Variants in PLA2G12A observed in about 807,000 individuals in gnomAD.
PLA2G12A encodes phospholipase A2 group XIIA, also known as group XIIA secretory phospholipase A2.
PLA2G12A carries 11 observed loss-of-function variants against 16.0 expected under a neutral mutation model. That is an observed-to-expected ratio of 0.69 (90% CI 0.43 to 1.13). PLA2G12A has a LOEUF of 1.13. Among genes scored for constraint, PLA2G12A ranks in the 50% most tolerant of loss-of-function variants. The probability of loss-of-function intolerance (pLI) is 0.00; values close to 1 mark genes in which losing one functional copy is unlikely to be tolerated. For synonymous variants in PLA2G12A, 77 were observed against 93.8 expected (o/e 0.82, Z 1.03); for missense variants, 214 against 237.3 (o/e 0.90, Z 0.65).
At chr4:109,724,125 G>C (rs1191171920) in intron 1 of PLA2G12A, among the ~76,000 whole-genome samples, 1 of 152,046 alleles carries the variant, frequency 6.6e-6, no homozygotes, top group Non-Finnish European at 1.5e-5. Context: ...GTCTTATTTT[G>C]TTTGTTTGTT....
chr4:109,729,887 G>A lies in PLA2G12A; in HGVS notation c.-78C>T. ...CCACAGAGTCCCCAGGACGCGCTAG[G>A]CAGCGGCGCGGGCCCCGGACTTGGC... On this transcript the variant is annotated 5_prime_UTR_variant, in exon 1 of 4. Coordinates refer to ENST00000243501, the MANE Select transcript of PLA2G12A (RefSeq NM_030821.5). 7.6e-7 allele frequency: 1 copy of A among 1,307,514 alleles called. No individual in the cohort carries two copies. The highest frequency in any genetic ancestry group is 1.0e-6 in the Non-Finnish European group (1 of 983,296). 81.0% of individuals were successfully genotyped at this position (1,307,514 alleles called of 1,614,324 possible). A position where few individuals can be genotyped will look rare whatever the true frequency, so the allele number is the denominator to read the frequency against.
chr4:109,725,064 C>T (rs1433543497), intron 1 of PLA2G12A, among the ~76,000 whole-genome samples: 1 of 152,062 alleles, frequency 6.6e-6, no homozygotes, highest in African/African-American at 2.4e-5. Flanking sequence ...CATTTATTGA[C>T]CTAATTAACA....
chr4:109,718,887 CAT>C (rs1326155122), intron 1 of PLA2G12A, 128 bp from the exon 2 acceptor site: 6 of 631,454 alleles, frequency 9.5e-6, no homozygotes. Flanking sequence ...AACATAAGTG[CAT>C]ATGTCTTTAT....
Position 109,729,953 on chromosome 4 carries a change from C to T in PLA2G12A, c.-144G>A. The T allele has an allele frequency of 1.5e-6, 1 of 671,812 alleles. No homozygotes were observed. The highest frequency in any genetic ancestry group is 2.1e-5 in the South Asian group (1 of 47,854). 41.6% of individuals were successfully genotyped at this position (671,812 alleles called of 1,614,324 possible). A position where few individuals can be genotyped will look rare whatever the true frequency, so the allele number is the denominator to read the frequency against. On this transcript the variant is annotated 5_prime_UTR_variant, in exon 1 of 4. Coordinates refer to ENST00000243501, the MANE Select transcript of PLA2G12A (RefSeq NM_030821.5). ...ATCCACGCCTCCTTCCCGGCTGGCC[C>T]TCAGGATCTCGCTGTCTTTACGTGA...
At position 109,713,502 on chromosome 4, in the gene PLA2G12A, G is replaced by A. The variant is rs1730771773; in HGVS notation, c.*875C>T. Reference sequence around the variant, plus strand: ...AATCTACAATAAGGAACAAGTGCTGGGAAATAAATAACAAAGCATAACAGC... The same window carrying A: ...AATCTACAATAAGGAACAAGTGCTGAGAAATAAATAACAAAGCATAACAGC... On this transcript the variant is annotated 3_prime_UTR_variant, in exon 4 of 4. Coordinates refer to ENST00000243501, the MANE Select transcript of PLA2G12A (RefSeq NM_030821.5). The A allele has an allele frequency of 6.6e-6, 1 of 152,096 alleles. No individual in the cohort carries two copies. Among genetic ancestry groups the A allele is most frequent in the Admixed American group, 6.6e-5 (1 of 15,258 alleles). The allele number at this position is 152,096 out of a possible 1,614,324, so 9.4% of individuals were successfully genotyped here.
chr4:109,720,764 C>T (rs1269853340), intron 1 of PLA2G12A, among the ~76,000 whole-genome samples: 5 of 150,470 alleles, frequency 3.3e-5, no homozygotes, highest in South Asian at 2.1e-4. Context: ...TATAACCTCA[C>T]GAAGATATAA....
chr4:109,720,220 T>A (rs1239601196), intron 1 of PLA2G12A, among the ~76,000 whole-genome samples: 1 of 152,222 alleles, frequency 6.6e-6, no homozygotes, highest in Non-Finnish European at 1.5e-5. Context: ...TTATCTTGCC[T>A]TCTAAAATGA....
chr4:109,729,589 G>C lies in PLA2G12A; in HGVS notation c.208+13C>G, dbSNP rs1287755590. 6.2e-7 allele frequency: 1 copy of C among 1,602,408 alleles called. No individual in the cohort carries two copies. Among genetic ancestry groups the C allele is most frequent in the African/African-American group, 1.3e-5 (1 of 74,594 alleles). ...AAAGCACGAGCCCTCGCTGGGCCCGGGTGCCCCCTCACCGTCACTGCATTT... is the reference window on the plus strand; with the variant it reads ...AAAGCACGAGCCCTCGCTGGGCCCGCGTGCCCCCTCACCGTCACTGCATTT... On this transcript the variant is annotated intron_variant, in intron 1 of 3. Coordinates refer to ENST00000243501, the MANE Select transcript of PLA2G12A (RefSeq NM_030821.5).
chr4:109,718,884 G>C, intron 1 of PLA2G12A, 125 bp from the exon 2 acceptor site: 1 of 638,866 alleles, frequency 1.6e-6, no homozygotes, highest in South Asian at 2.2e-5. Flanking sequence ...GCTAACATAA[G>C]TGCATATGTC....
intron 1 of PLA2G12A, among the ~76,000 whole-genome samples, chr4:109,722,288 C>T (rs1424355618): frequency 6.6e-6 from 1 of 152,184 alleles, no homozygotes; most frequent in Non-Finnish European, 1.5e-5. Context: ...GGCCTTTGAA[C>T]CTGCTCTTCC....
intron 2 of PLA2G12A, 106 bp from the exon 3 acceptor site, chr4:109,717,819 A>G (rs1282727100): frequency 1.8e-6 from 2 of 1,108,844 alleles, no homozygotes; most frequent in Non-Finnish European, 2.6e-6. Flanking sequence ...ACTGCTGTAT[A>G]GATAGTTCCA....
At chr4:109,717,493 A>G in intron 3 of PLA2G12A, 55 bp downstream of exon 3, 1 of 1,525,676 alleles carries the variant, frequency 6.6e-7, no homozygotes, top group Non-Finnish European at 9.0e-7. Flanking sequence ...AACATAGAGC[A>G]TTTGATACAA....
At position 109,714,134 on chromosome 4, in the gene PLA2G12A, C is replaced by T. The variant is rs2126166051; in HGVS notation, c.*243G>A. 3 of 449,376 alleles carry T rather than the reference C, an allele frequency of 6.7e-6. No homozygotes were observed. Among genetic ancestry groups the T allele is most frequent in the East Asian group, 3.5e-5 (1 of 28,968 alleles). The allele number at this position is 449,376 out of a possible 1,614,324, so 27.8% of individuals were successfully genotyped here. ...CACTTGTTTTTGATATTGGTCAAGA[C>T]ATTTGGCATACTAAGTAAGGGAGCA... is the stretch of plus-strand genomic sequence containing the variant. On this transcript the variant is annotated 3_prime_UTR_variant, in exon 4 of 4. Transcript: ENST00000243501.
chr4:109,714,583 T>C (rs1206905357), intron 3 of PLA2G12A, 88 bp from the exon 4 acceptor site: 1 of 852,134 alleles, frequency 1.2e-6, no homozygotes, highest in Non-Finnish European at 2.0e-6. Flanking sequence ...AACAAGCATA[T>C]CCCTCGTGAG....
At position 109,717,678 on chromosome 4, in the gene PLA2G12A, G is replaced by T. The variant is rs777370194; in HGVS notation, c.321C>A (p.Cys107Ter). 6.2e-7 allele frequency: 1 copy of T among 1,613,768 alleles called. No homozygotes were observed. The highest frequency in any genetic ancestry group is 2.2e-5 in the East Asian group (1 of 44,880). Residue 107 changes from cysteine to a stop codon, truncating the protein, a stop_gained, in exon 3 of 4, where the codon TGC becomes TGA. Coordinates refer to ENST00000243501, the MANE Select transcript of PLA2G12A (RefSeq NM_030821.5). LOFTEE classifies it high-confidence loss of function. Reference sequence around the variant, plus strand: ...TCTCATAGCACCTGTCGTGTTGGTTGCAACACTTTGTCAGGGAAGGGATAC... The same window carrying T: ...TCTCATAGCACCTGTCGTGTTGGTTTCAACACTTTGTCAGGGAAGGGATAC... ...NIGIPSLTKC[C>*]NQHDRCYETC...
chr4:109,714,734 T>C, intron 3 of PLA2G12A, among the ~76,000 whole-genome samples: 1 of 147,870 alleles, frequency 6.8e-6, no homozygotes, highest in Non-Finnish European at 1.5e-5. Context: ...TAACCCAATT[T>C]TTTTTTTTTT....
At position 109,713,131 on chromosome 4, in the gene PLA2G12A, T is replaced by C. The variant is rs1730765254; in HGVS notation, c.*1246A>G. Reference sequence around the variant, plus strand: ...GACTTTGAAAGTCAGTTCATCTTAATAACTTTGGCCATGGGTCACCCAAAG... The same window carrying C: ...GACTTTGAAAGTCAGTTCATCTTAACAACTTTGGCCATGGGTCACCCAAAG... On this transcript the variant is annotated 3_prime_UTR_variant, in exon 4 of 4. Coordinates refer to ENST00000243501, the MANE Select transcript of PLA2G12A (RefSeq NM_030821.5). 1 of 152,236 alleles carries C rather than the reference T, an allele frequency of 6.6e-6. No individual in the cohort carries two copies. Among genetic ancestry groups the C allele is most frequent in the South Asian group, 2.1e-4 (1 of 4,832 alleles). The allele number at this position is 152,236 out of a possible 1,614,324, so 9.4% of individuals were successfully genotyped here.
chr4:109,725,101 A>G lies in PLA2G12A; in HGVS notation c.208+4501T>C, dbSNP rs571102906. On this transcript the variant is annotated intron_variant, in intron 1 of 3. Transcript: ENST00000243501. The stretch of plus-strand genomic sequence containing the variant: ...TAACATTAGTCGGTTTCTATGAAGA[A>G]AGGACTTAGTCTTGCTCACCTAGAA... 3.5e-4 allele frequency among the ~76,000 whole-genome samples: 54 copies of G among 152,328 alleles called. 2 individuals carry two copies. The South Asian group carries it at 0.011, about 30-fold the overall frequency.
intron 1 of PLA2G12A, among the ~76,000 whole-genome samples, chr4:109,729,079 C>T (rs552477268): frequency 2.0e-5 from 3 of 152,188 alleles, no homozygotes; most frequent in East Asian, 1.9e-4. Flanking sequence ...TTATCGGAAC[C>T]CTTTCTCAAC....
Sources: gnomAD v4.1 joint callset for allele counts (sites outside exome capture counted in the v4.1 genomes callset) on GRCh38, gnomAD v4.1.1 for gene constraint, MANE v1.5 for transcripts, NCBI Gene and HGNC (gene_info 2026-07-23, HGNC 2026-07-21) for gene names.